The following PDE4C variants were observed in gnomAD, a reference collection of about 807,000 sequenced individuals.
PDE4C encodes the protein phosphodiesterase 4C.
Under a neutral mutation model 63.9 loss-of-function variants are expected in PDE4C, and 50 were observed. The observed-to-expected ratio is 0.78, with a 90% CI of 0.62 to 0.99. PDE4C has a LOEUF of 0.99. PDE4C is among the 50% of genes least tolerant of loss of function. PDE4C has a pLI of 0.00. For synonymous variants in PDE4C, 377 were observed against 385.1 expected, an observed-to-expected ratio of 0.98 and a Z score of 0.25; for missense variants, 777 against 899.1, an observed-to-expected ratio of 0.86 and a Z score of 1.74.
chr19:18,222,380 C>G (rs935111747), intron 1 of PDE4C, 57 bp from the exon 2 acceptor site: 4 of 1,518,222 alleles, frequency 2.6e-6, no homozygotes, highest in Non-Finnish European at 3.6e-6. Flanking sequence ...GGTGCCGGGT[C>G]GTGGCCACCT....
intron 14 of PDE4C, among the ~76,000 whole-genome samples, 177 bp from the exon 15 acceptor site, chr19:18,211,453 C>T (rs948144998): frequency 3.3e-5 from 5 of 152,172 alleles, no homozygotes; most frequent in Non-Finnish European, 7.4e-5. Flanking sequence ...CCTCCCTTAA[C>T]CCTTCTGGCC....
exon 13 of PDE4C, chr19:18,213,414 G>A (rs1459099668): frequency 6.2e-7 from 1 of 1,613,962 alleles, no homozygotes; most frequent in South Asian, 1.1e-5. Flanking sequence ...ACCGAGGCTT[G>A]TCACCTTCTT....
At chr19:18,249,028 TAA>T (rs35271467), upstream of PDE4C, among the ~76,000 whole-genome samples, 1,575 of 136,326 alleles carry the variant, frequency 0.012, 37 homozygotes, top group African/African-American at 0.041. Context: ...TCCATCTTAT[TAA>T]AAAAAAAAAA....
intron 7 of PDE4C, chr19:18,219,759 G>A (rs1201455783): frequency 8.5e-6 from 2 of 235,254 alleles, no homozygotes; most frequent in Admixed American, 1.0e-4. Context: ...AGGAGGCGGA[G>A]GTTGCAGTGG....
upstream of PDE4C, among the ~76,000 whole-genome samples, chr19:18,234,789 G>A (rs1352315800): frequency 6.6e-6 from 1 of 152,164 alleles, no homozygotes; most frequent in Non-Finnish European, 1.5e-5. Context: ...ATTTGGGCCA[G>A]GATGTCAGAC....
upstream of PDE4C, among the ~76,000 whole-genome samples, chr19:18,238,133 G>T (rs865866536): frequency 1.3e-5 from 2 of 152,106 alleles, no homozygotes; most frequent in African/African-American, 4.8e-5. Context: ...GCTGAGGTGG[G>T]AGGACTGCTT....
At chr19:18,245,979 G>C (rs1969121621) in intron 1 of PDE4C, among the ~76,000 whole-genome samples, 1 of 151,298 alleles carries the variant, frequency 6.6e-6, no homozygotes, top group Admixed American at 6.6e-5. Context: ...GAGTAGGTGG[G>C]ATTACAGGCA....
At chr19:18,227,521 G>T (rs978168709), upstream of PDE4C, among the ~76,000 whole-genome samples, 4 of 152,142 alleles carry the variant, frequency 2.6e-5, no homozygotes, top group Non-Finnish European at 4.4e-5. Flanking sequence ...GACTGGGGGG[G>T]GCCTCTGGTG....
At chr19:18,221,954 T>A (rs557332076) in intron 2 of PDE4C, among the ~76,000 whole-genome samples, 178 bp downstream of exon 2, 2 of 152,164 alleles carry the variant, frequency 1.3e-5, no homozygotes. Context: ...TTACCACCCC[T>A]ACTCCAGCAA....
intron 1 of PDE4C, among the ~76,000 whole-genome samples, chr19:18,241,120 G>C (rs927671241): frequency 1.3e-5 from 2 of 152,006 alleles, no homozygotes; most frequent in African/African-American, 4.8e-5. Flanking sequence ...GAGAGTTCCT[G>C]GTAGCTGGGA....
At chr19:18,237,727 GC>G (rs1391326588), upstream of PDE4C, among the ~76,000 whole-genome samples, 1 of 151,878 alleles carries the variant, frequency 6.6e-6, no homozygotes, top group Non-Finnish European at 1.5e-5. Flanking sequence ...AAAAAAATTA[GC>G]CGGGCGTGGT....
intron 1 of PDE4C, among the ~76,000 whole-genome samples, chr19:18,242,475 CAAAAAAAAA>C (rs748870873): frequency 3.4e-5 from 1 of 29,806 alleles, no homozygotes; most frequent in East Asian, 1.2e-3. Context: ...GACTCCATCT[CAAAAAAAAA>C]AAAAAAAAAA....
chr19:18,220,690 T>A lies in PDE4C; in HGVS notation c.500-175A>T, dbSNP rs958051353. 15 of 784,558 alleles carry A rather than the reference T, an allele frequency of 1.9e-5. No homozygotes were observed. The highest frequency in any genetic ancestry group is 2.9e-5 in the Non-Finnish European group (14 of 478,636). The allele number at this position is 784,558 out of a possible 1,614,324, so 48.6% of individuals were successfully genotyped here. On this transcript the variant is annotated intron_variant, in intron 5 of 14. Transcript: ENST00000262805. The surrounding 1 kb of genome is among the most constrained non-coding windows in gnomAD (Gnocchi z 5.1). ...AGTGCCTGTGTGACCATGAGATCTC[T>A]GGGCCTCAGCCTCCTCATCTGTAAT...
At chr19:18,231,971 G>A (rs1001498035) in intron 1 of PDE4C, among the ~76,000 whole-genome samples, 7 of 151,946 alleles carry the variant, frequency 4.6e-5, no homozygotes, top group South Asian at 2.1e-4. Flanking sequence ...TCCTACAGGG[G>A]AGCAGGGTGG....
exon 14 of PDE4C, chr19:18,211,897 G>T (rs776176358): frequency 1.9e-6 from 3 of 1,614,214 alleles, no homozygotes; most frequent in Non-Finnish European, 2.5e-6. Context: ...GCAGCGGCTT[G>T]GTGGGGTTGC....
At chr19:18,218,458 G>A in exon 10 of PDE4C, 1 of 1,614,232 alleles carries the variant, frequency 6.2e-7, no homozygotes, top group Non-Finnish European at 8.5e-7. Flanking sequence ...GGTGGCCAGT[G>A]TGTCTGCTGG....
intron 1 of PDE4C, chr19:18,248,148 G>A (rs1165091124): frequency 1.1e-5 from 5 of 456,136 alleles, no homozygotes; most frequent in African/African-American, 2.0e-5. Flanking sequence ...GCTCCAGGAG[G>A]CCCAGGCATG....
upstream of PDE4C, among the ~76,000 whole-genome samples, chr19:18,234,423 C>G (rs772900160): frequency 1.7e-4 from 26 of 152,126 alleles, no homozygotes; most frequent in Non-Finnish European, 2.6e-4. Flanking sequence ...AAGTCTCCAC[C>G]CACCAGGCGT....
At chr19:18,241,399 C>T (rs1338346679) in intron 1 of PDE4C, among the ~76,000 whole-genome samples, 36 of 150,938 alleles carry the variant, frequency 2.4e-4, no homozygotes, top group African/African-American at 8.5e-4. Flanking sequence ...CCCAAGTAGC[C>T]GGGATTACAG....
Sources: gnomAD v4.1 joint callset for allele counts (sites outside exome capture counted in the v4.1 genomes callset) on GRCh38, gnomAD v4.1.1 for gene constraint, Gnocchi (gnomAD v3.1) non-coding constraint, MANE v1.5 for transcripts, NCBI Gene and HGNC (gene_info 2026-07-23, HGNC 2026-07-21) for gene names.